PTPRD: variants seen among roughly 807,000 people sequenced by gnomAD.
PTPRD encodes receptor-type tyrosine-protein phosphatase delta.
PTPRD carries 34 observed loss-of-function variants against 214.5 expected under a neutral mutation model. That is an observed-to-expected ratio of 0.16 (90% CI 0.12 to 0.21). The LOEUF is 0.21. Ranked by LOEUF, PTPRD falls within the 10% of genes least tolerant of loss-of-function variation. PTPRD has a pLI of 1.00. For missense variants in PTPRD, 2,545 were observed against 2,398.7 expected (o/e 1.06, Z -1.27); for synonymous variants, 1,128 against 845.7 (o/e 1.33, Z -5.79).
intron 11 of PTPRD, among the ~76,000 whole-genome samples, chr9:8,892,593 G>T (rs7048085): frequency 6.7e-6 from 1 of 149,138 alleles, no homozygotes; most frequent in African/African-American, 2.5e-5. Context: ...GTATATATAT[G>T]TGTATATATA....
chr9:10,194,585 T>A (rs1430855417), intron 3 of PTPRD, among the ~76,000 whole-genome samples: 2 of 152,192 alleles, frequency 1.3e-5, no homozygotes, highest in East Asian at 3.9e-4. Context: ...TGAACCTACC[T>A]CATACCCACT....
rs2074409801 is a variant in PTPRD, at chr9:8,527,232, G to C, written c.550+113C>G. 2.7e-6 allele frequency: 3 copies of C among 1,131,112 alleles called. No homozygotes were observed. The East Asian group carries it at 7.5e-5, about 28-fold the overall frequency. 70.1% of individuals were successfully genotyped at this position (1,131,112 alleles called of 1,614,324 possible). ...GTGGGAGCCACTACAGAGATCTGGTGTCTACACTGACAGTTAGTAAAATGC... is the reference window on the plus strand; with the variant it reads ...GTGGGAGCCACTACAGAGATCTGGTCTCTACACTGACAGTTAGTAAAATGC... On this transcript the variant is annotated intron_variant, in intron 16 of 45. Transcript: ENST00000381196.
chr9:9,437,042 A>C (rs930649426), intron 8 of PTPRD, among the ~76,000 whole-genome samples: 13 of 152,196 alleles, frequency 8.5e-5, no homozygotes, highest in Admixed American at 6.5e-5. Context: ...CCTTCATTGG[A>C]AAATATCGTC....
chr9:9,074,504 C>T (rs2099748169), intron 10 of PTPRD, among the ~76,000 whole-genome samples: 1 of 151,962 alleles, frequency 6.6e-6, no homozygotes, highest in Admixed American at 6.6e-5. Flanking sequence ...TAATTTCTTT[C>T]CACCTTATGT....
chr9:9,755,701 AAAG>A (rs1260557868), intron 6 of PTPRD, among the ~76,000 whole-genome samples: 1 of 152,060 alleles, frequency 6.6e-6, no homozygotes, highest in Non-Finnish European at 1.5e-5. Context: ...CAATTGTATA[AAAG>A]AATACAAAGG....
At chr9:10,322,163 C>T (rs752722147) in intron 3 of PTPRD, among the ~76,000 whole-genome samples, 2 of 151,942 alleles carry the variant, frequency 1.3e-5, no homozygotes, top group Non-Finnish European at 2.9e-5. Context: ...TGTGAAAGAC[C>T]AGCATGTACT....
intron 10 of PTPRD, among the ~76,000 whole-genome samples, chr9:9,066,476 T>C (rs992275017): frequency 5.3e-5 from 8 of 152,084 alleles, no homozygotes; most frequent in Admixed American, 3.3e-4. Context: ...TTTAGTAGGC[T>C]AAAAAAATGG....
chr9:9,405,910 C>T (rs1422284907), intron 8 of PTPRD, among the ~76,000 whole-genome samples: 3 of 151,922 alleles, frequency 2.0e-5, no homozygotes, highest in Non-Finnish European at 2.9e-5. Flanking sequence ...ACATTGTAAA[C>T]ACTAGAGCTT....
At chr9:8,340,139 G>A (rs143618604) in intron 42 of PTPRD, among the ~76,000 whole-genome samples, 1 of 152,096 alleles carries the variant, frequency 6.6e-6, no homozygotes, top group African/African-American at 2.4e-5. Context: ...CAAATCACTA[G>A]ATCTTTCTTT....
intron 2 of PTPRD, among the ~76,000 whole-genome samples, chr9:10,564,654 G>C (rs2065086319): frequency 6.6e-6 from 1 of 152,060 alleles, no homozygotes; most frequent in African/African-American, 2.4e-5. Flanking sequence ...ATTGGGTGCA[G>C]ACTCAGGGGC....
chr9:9,258,177 A>T (rs2099978569), intron 9 of PTPRD, among the ~76,000 whole-genome samples: 2 of 151,956 alleles, frequency 1.3e-5, no homozygotes, highest in Non-Finnish European at 2.9e-5. Flanking sequence ...ACGATGGCTG[A>T]CAGCTGCAAA....
At chr9:10,559,378 G>A (rs892533324) in intron 2 of PTPRD, among the ~76,000 whole-genome samples, 7 of 152,080 alleles carry the variant, frequency 4.6e-5, no homozygotes, top group South Asian at 2.1e-4. Flanking sequence ...TAAAATTTCA[G>A]TTCTTCCATC....
intron 11 of PTPRD, among the ~76,000 whole-genome samples, chr9:8,850,299 A>G (rs537751986): frequency 1.3e-5 from 2 of 152,286 alleles, no homozygotes; most frequent in South Asian, 4.1e-4. Flanking sequence ...AAGTGGATAG[A>G]CATATGGCAG....
intron 8 of PTPRD, among the ~76,000 whole-genome samples, chr9:9,467,645 T>A (rs1175123304): frequency 8.4e-5 from 12 of 143,632 alleles, no homozygotes; most frequent in African/African-American, 2.8e-4. Context: ...TTATCTTTCA[T>A]AAATAGCATG....
intron 2 of PTPRD, among the ~76,000 whole-genome samples, chr9:10,401,664 T>A (rs1487529825): frequency 6.7e-6 from 1 of 148,606 alleles, no homozygotes; most frequent in Non-Finnish European, 1.5e-5. Flanking sequence ...TATACTGTTA[T>A]ATCACAGACA....
chr9:10,410,053 G>A (rs1265572987), intron 2 of PTPRD, among the ~76,000 whole-genome samples: 2 of 151,366 alleles, frequency 1.3e-5, no homozygotes, highest in Admixed American at 6.6e-5. Flanking sequence ...GAATTCTTGG[G>A]ATAATTTGGA....
intron 14 of PTPRD, among the ~76,000 whole-genome samples, chr9:8,617,887 CAACT>C (rs1266504872): frequency 2.6e-5 from 4 of 152,052 alleles, no homozygotes; most frequent in South Asian, 2.1e-4. Flanking sequence ...CAATAGGAAA[CAACT>C]AACTAGAGAA....
chr9:10,343,931 C>A (rs962506013), intron 2 of PTPRD, among the ~76,000 whole-genome samples: 4 of 136,706 alleles, frequency 2.9e-5, no homozygotes, highest in Non-Finnish European at 3.1e-5. Flanking sequence ...GGGTGGATTG[C>A]AAAATTTTTC....
In PTPRD at chr9:8,319,852, T is replaced by C; in HGVS notation, c.5649A>G (p.Arg1883=). 1 of 1,612,988 alleles carries C rather than the reference T, an allele frequency of 6.2e-7. No homozygotes were observed. ...TCACCTCTGTCTGTACCATAGCTGG[T>C]CGTTGTGTTCTTAACATTTTGACAG... ...FQTVKMLRTQ[R]PAMVQTEDQY... Residue 1883 remains arginine (R), a synonymous_variant, in exon 45 of 46, where the codon CGA becomes CGG. Coordinates refer to ENST00000381196, the MANE Select transcript of PTPRD (RefSeq NM_002839.4).
Sources: allele counts gnomAD v4.1 joint callset (sites outside exome capture counted in the v4.1 genomes callset), GRCh38; gene constraint gnomAD v4.1.1; transcripts MANE v1.5; gene names NCBI Gene and HGNC (gene_info 2026-07-23, HGNC 2026-07-21).